NEK10: variants seen among roughly 807,000 people sequenced by gnomAD.
NEK10 encodes NIMA related kinase 10.
A neutral mutation model predicts 159.8 loss-of-function variants in NEK10; 122 were observed. The observed-to-expected ratio is 0.76, with a 90% confidence interval of 0.66 to 0.89. The LOEUF (loss-of-function observed/expected upper bound fraction) is 0.89. NEK10 is among the 40% of genes least tolerant of loss of function. The probability of loss-of-function intolerance (pLI) is 0.00; values close to 1 mark genes in which losing one functional copy is unlikely to be tolerated. For synonymous variants in NEK10, 466 were observed against 457.1 expected (o/e 1.02, Z -0.25); for missense variants, 1,342 against 1,323.1 (o/e 1.01, Z -0.22).
At chr3:27,274,411 T>C (rs959588907) in intron 22 of NEK10, among the ~76,000 whole-genome samples, 2 of 152,160 alleles carry the variant, frequency 1.3e-5, no homozygotes, top group African/African-American at 4.8e-5. Context: ...GGAAAACTAA[T>C]GTCCTTAGCT....
intron 22 of NEK10, among the ~76,000 whole-genome samples, chr3:27,273,180 A>G (rs2041508099): frequency 2.0e-5 from 3 of 152,174 alleles, no homozygotes; most frequent in Admixed American, 2.0e-4. Context: ...GGGGTTATTG[A>G]CAGGCTATGC....
At chr3:27,193,572 T>TCTTTG (rs1949301936) in intron 25 of NEK10, among the ~76,000 whole-genome samples, 1 of 150,152 alleles carries the variant, frequency 6.7e-6, no homozygotes, top group Non-Finnish European at 1.5e-5. Flanking sequence ...TACCCCCATT[T>TCTTTG]CTTTGCTTAT....
At chr3:27,312,370 C>T (rs530747831) in intron 7 of NEK10, among the ~76,000 whole-genome samples, 193 bp from the exon 8 acceptor site, 1 of 152,290 alleles carries the variant, frequency 6.6e-6, no homozygotes, top group African/African-American at 2.4e-5. Context: ...TTTGGCTTCT[C>T]TTGCGTGCTA....
chr3:27,336,093 C>T (rs1156710312), intron 5 of NEK10, among the ~76,000 whole-genome samples: 1 of 151,702 alleles, frequency 6.6e-6, no homozygotes, highest in Non-Finnish European at 1.5e-5. Flanking sequence ...AAAAGATAAA[C>T]AAATTAATGA....
intron 31 of NEK10, among the ~76,000 whole-genome samples, chr3:27,140,592 T>TGA (rs1286707646): frequency 8.5e-5 from 13 of 152,214 alleles, no homozygotes; most frequent in African/African-American, 3.1e-4. Flanking sequence ...AAATGAAATA[T>TGA]GAGCCCAATG....
intron 1 of NEK10, among the ~76,000 whole-genome samples, chr3:27,364,002 C>G (rs567570549): frequency 6.6e-4 from 101 of 151,928 alleles, no homozygotes; most frequent in African/African-American, 2.4e-3. Context: ...GCAGTCGGGA[C>G]TAAATAAAAT....
chr3:27,123,512 A>G (rs1256042893), intron 32 of NEK10, among the ~76,000 whole-genome samples: 7 of 152,332 alleles, frequency 4.6e-5, no homozygotes, highest in Middle Eastern at 3.4e-3. Context: ...AGTTCCATTC[A>G]TTAATTTAGT....
At chr3:27,296,879 C>T (rs891635271) in intron 14 of NEK10, among the ~76,000 whole-genome samples, 4 of 151,958 alleles carry the variant, frequency 2.6e-5, no homozygotes, top group Admixed American at 6.6e-5. Flanking sequence ...ATTCTATACA[C>T]CCAGAATTAA....
chr3:27,320,585 C>T (rs1214460734), intron 6 of NEK10, among the ~76,000 whole-genome samples: 1 of 152,144 alleles, frequency 6.6e-6, no homozygotes, highest in Non-Finnish European at 1.5e-5. Flanking sequence ...TTGCGATAAG[C>T]AGCTCAGAAA....
chr3:27,202,366 A>C (rs1950128856), intron 24 of NEK10, 62 bp downstream of exon 24: 4 of 1,490,618 alleles, frequency 2.7e-6, no homozygotes, highest in East Asian at 2.3e-5. Context: ...AGATCTGTTT[A>C]ATAAGAAAAA....
chr3:27,228,561 G>A (rs1952878754), intron 23 of NEK10, among the ~76,000 whole-genome samples: 1 of 152,120 alleles, frequency 6.6e-6, no homozygotes. Context: ...TGCATAAAGA[G>A]GTTTCATGCA....
At position 27,256,293 on chromosome 3, in the gene NEK10, T is replaced by C; in HGVS notation, c.2090+3A>G. Reference sequence around the variant, plus strand: ...TTGAGAGCCATAAAAGAATTGTCCTTACCAAGAATACAGGATTGTTCCAAC... The same window carrying C: ...TTGAGAGCCATAAAAGAATTGTCCTCACCAAGAATACAGGATTGTTCCAAC... On this transcript the variant is annotated splice_donor_region_variant and intron_variant, in intron 23 of 35. Coordinates refer to ENST00000691995, the MANE Select transcript of NEK10 (RefSeq NM_001394966.1). 6.8e-7 allele frequency: 1 copy of C among 1,467,212 alleles called. No individual in the cohort carries two copies. The highest frequency in any genetic ancestry group is 9.2e-7 in the Non-Finnish European group (1 of 1,091,776). 90.9% of individuals were successfully genotyped at this position (1,467,212 alleles called of 1,614,324 possible).
intron 23 of NEK10, among the ~76,000 whole-genome samples, chr3:27,236,095 A>C (rs1435938773): frequency 6.6e-6 from 1 of 152,144 alleles, no homozygotes; most frequent in Non-Finnish European, 1.5e-5. Context: ...TGGGAGCTAA[A>C]TGATGAGAAC....
intron 25 of NEK10, among the ~76,000 whole-genome samples, chr3:27,200,444 A>T (rs1949950150): frequency 6.6e-6 from 1 of 152,174 alleles, no homozygotes; most frequent in Admixed American, 6.5e-5. Flanking sequence ...CAACTTAAGT[A>T]CCCAACTTAA....
At position 27,111,229 on chromosome 3, in the gene NEK10, G is replaced by A. The variant is rs751733224; in HGVS notation, c.*43C>T. On this transcript the variant is annotated 3_prime_UTR_variant, in exon 36 of 36. Transcript: ENST00000691995. ...CAATAGCGGCTGAAGTCCAGAACTT[G>A]AACTTCACTGAGAAAATCAAGTCCA... The A allele has an allele frequency of 2.5e-6, 4 of 1,585,566 alleles. No homozygotes were observed. In the African/African-American group the frequency reaches 4.1e-5, roughly 16 times the overall value.
intron 22 of NEK10, among the ~76,000 whole-genome samples, chr3:27,281,180 T>C (rs2042135094): frequency 6.6e-6 from 1 of 151,992 alleles, no homozygotes; most frequent in Non-Finnish European, 1.5e-5. Context: ...AAAACTAAGA[T>C]AATTACTTTT....
At chr3:27,222,610 T>C (rs896553411) in intron 23 of NEK10, among the ~76,000 whole-genome samples, 1 of 152,178 alleles carries the variant, frequency 6.6e-6, no homozygotes, top group African/African-American at 2.4e-5. Flanking sequence ...CCAACCAACA[T>C]GAATTTCTTT....
intron 23 of NEK10, among the ~76,000 whole-genome samples, chr3:27,234,369 T>C (rs1476393729): frequency 1.3e-5 from 2 of 152,030 alleles, no homozygotes; most frequent in Non-Finnish European, 2.9e-5. Flanking sequence ...AAAACCCCAT[T>C]GTCTCATCCC....
intron 5 of NEK10, among the ~76,000 whole-genome samples, chr3:27,337,925 A>C (rs975686781): frequency 5.9e-5 from 9 of 152,020 alleles, no homozygotes; most frequent in African/African-American, 2.2e-4. Context: ...TAGGGTTTTG[A>C]TTGCTAGTTT....
Sources: gnomAD v4.1 joint callset for allele counts (sites outside exome capture counted in the v4.1 genomes callset) on GRCh38, gnomAD v4.1.1 for gene constraint, MANE v1.5 for transcripts, NCBI Gene and HGNC (gene_info 2026-07-23, HGNC 2026-07-21) for gene names.